CD38: variants seen among roughly 807,000 people sequenced by gnomAD.
The protein encoded by CD38 is CD38 molecule, also known as ADP-ribosyl cyclase/cyclic ADP-ribose hydrolase 1.
In CD38, 31 loss-of-function variants were observed where a neutral mutation model predicts 36.3. The observed-to-expected ratio is 0.85, with a 90% confidence interval of 0.64 to 1.15. CD38 has a LOEUF of 1.15. Ranked by LOEUF, CD38 falls within the 50% of genes most tolerant of loss-of-function variation. CD38 has a pLI of 0.00. For synonymous variants in CD38, 131 were observed against 135.2 expected, an observed-to-expected ratio of 0.97 and a Z score of 0.22; for missense variants, 380 against 371.9, an observed-to-expected ratio of 1.02 and a Z score of -0.18.
Position 15,851,990 on chromosome 4 carries a change from G to A in CD38, c.*3388G>A, listed in dbSNP as rs1724396294. ...AACATAGAAAAGGTACAGTAAACATGCAGTATTATAATCTTATGAGACCGT... is the reference window on the plus strand; with the variant it reads ...AACATAGAAAAGGTACAGTAAACATACAGTATTATAATCTTATGAGACCGT... On this transcript the variant is annotated 3_prime_UTR_variant, in exon 8 of 8. Transcript: ENST00000226279. 1 of 152,220 alleles carries A rather than the reference G, an allele frequency of 6.6e-6. No homozygotes were observed. Among genetic ancestry groups the A allele is most frequent in the African/African-American group, 2.4e-5 (1 of 41,446 alleles). 9.4% of individuals were successfully genotyped at this position (152,220 alleles called of 1,614,324 possible).
At chr4:15,847,465 C>T (rs1382523913) in intron 7 of CD38, among the ~76,000 whole-genome samples, 2 of 86,340 alleles carry the variant, frequency 2.3e-5, no homozygotes, top group Non-Finnish European at 4.3e-5. Context: ...TGCTAGATGA[C>T]ACATTAGTGG....
chr4:15,815,720 T>C (rs1312336473), intron 1 of CD38, among the ~76,000 whole-genome samples: 1 of 152,206 alleles, frequency 6.6e-6, no homozygotes, highest in Non-Finnish European at 1.5e-5. Context: ...CAGAGACAAT[T>C]TGACTTTCTC....
intron 1 of CD38, among the ~76,000 whole-genome samples, chr4:15,785,980 C>T (rs1722812823): frequency 6.6e-6 from 1 of 152,160 alleles, no homozygotes; most frequent in Non-Finnish European, 1.5e-5. Context: ...TGTTACAGCT[C>T]TTAAGGCAGC....
intron 3 of CD38, among the ~76,000 whole-genome samples, chr4:15,833,353 G>A (rs1272341147): frequency 2.0e-5 from 3 of 152,198 alleles, no homozygotes; most frequent in Admixed American, 6.5e-5. Flanking sequence ...TCCAGATGTC[G>A]TTGTGAAGAT....
At chr4:15,814,859 T>C (rs1290726596) in intron 1 of CD38, among the ~76,000 whole-genome samples, 1 of 151,620 alleles carries the variant, frequency 6.6e-6, no homozygotes, top group African/African-American at 2.4e-5. Context: ...CAGGCTGGAG[T>C]GCAGTGGCAC....
In CD38 at chr4:15,852,461, G is replaced by A. The variant is rs1323998514; in HGVS notation, c.*3859G>A. The A allele has an allele frequency of 6.6e-6, 1 of 151,932 alleles. No individual in the cohort carries two copies. 9.4% of individuals were successfully genotyped at this position (151,932 alleles called of 1,614,324 possible). A position where few individuals can be genotyped will look rare whatever the true frequency, so the allele number is the denominator to read the frequency against. Reference sequence around the variant, plus strand: ...TACTGCACAGAAAACTGCTTTTGTGGGTTTTTAAAAGGCAAGTTGTTATAT... The same window carrying A: ...TACTGCACAGAAAACTGCTTTTGTGAGTTTTTAAAAGGCAAGTTGTTATAT... On this transcript the variant is annotated 3_prime_UTR_variant, in exon 8 of 8. Transcript: ENST00000226279.
At chr4:15,799,084 ATTTCT>A (rs1359737177) in intron 1 of CD38, among the ~76,000 whole-genome samples, 5 of 152,164 alleles carry the variant, frequency 3.3e-5, no homozygotes, top group Admixed American at 6.5e-5. Flanking sequence ...TTAAGAACTG[ATTTCT>A]TTAATGTGAG....
At chr4:15,842,347 G>GTCC (rs1724231959) in intron 7 of CD38, among the ~76,000 whole-genome samples, 1 of 132,236 alleles carries the variant, frequency 7.6e-6, no homozygotes, top group Non-Finnish European at 1.6e-5. Flanking sequence ...GCAGCTGAGG[G>GTCC]TCCTGTCTGT....
rs1336261321 is a variant in CD38 at position 15,840,021 on chromosome 4, T to G, written c.660-5T>G. 1 of 1,607,668 alleles carries G rather than the reference T, an allele frequency of 6.2e-7. No individual in the cohort carries two copies. Among genetic ancestry groups the G allele is most frequent in the Non-Finnish European group, 8.5e-7 (1 of 1,174,276 alleles). On this transcript the variant is annotated splice_polypyrimidine_tract_variant and splice_region_variant and intron_variant, in intron 5 of 7. Coordinates refer to ENST00000226279, the MANE Select transcript of CD38 (RefSeq NM_001775.4). ...GTTTGGGGTTCTTTGTTTCTTCTATTTTAGCACTTTTGGGAGTGTGGAAGT... is the reference window on the plus strand; with the variant it reads ...GTTTGGGGTTCTTTGTTTCTTCTATGTTAGCACTTTTGGGAGTGTGGAAGT...
chr4:15,839,956 G>GT (rs925600405), intron 5 of CD38, 70 bp from the exon 6 acceptor site: 2 of 1,009,480 alleles, frequency 2.0e-6, no homozygotes, highest in African/African-American at 3.2e-5. Context: ...CTGCCTGCTG[G>GT]TTGTTGAGGG....
intron 1 of CD38, among the ~76,000 whole-genome samples, chr4:15,812,466 G>A (rs112175284): frequency 2.0e-5 from 3 of 152,048 alleles, no homozygotes; most frequent in African/African-American, 4.8e-5. Context: ...GGGAGGCCGA[G>A]GCGGGTGGAT....
rs1722624259 is a variant in CD38 at position 15,778,868 on chromosome 4, G to A, written c.233+221G>A. Among the ~76,000 whole-genome samples, 1 of 151,960 alleles carries A rather than the reference G, an allele frequency of 6.6e-6. No individual in the cohort carries two copies. The highest frequency in any genetic ancestry group is 2.1e-4 in the South Asian group (1 of 4,822). On this transcript the variant is annotated intron_variant, in intron 1 of 7. Transcript: ENST00000226279. The surrounding 1 kb of genome is among the most constrained non-coding windows in gnomAD (Gnocchi z 4.9). ...CGAGCGTGCCCGCGGGAGGCGGGGG[G>A]GGGCGCTGCTCGGTGGCTCTGCTGC...
intron 5 of CD38, among the ~76,000 whole-genome samples, chr4:15,839,300 C>A (rs983598060): frequency 7.3e-5 from 11 of 151,686 alleles, no homozygotes; most frequent in African/African-American, 2.7e-4. Flanking sequence ...TTAGGGCAGG[C>A]AACCATAGTC....
Position 15,789,665 on chromosome 4 carries a change from A to G in CD38, c.233+11018A>G, listed in dbSNP as rs544954015. 3.3e-5 allele frequency among the ~76,000 whole-genome samples: 5 copies of G among 152,272 alleles called. No homozygotes were observed. The East Asian group carries it at 7.7e-4, about 24-fold the overall frequency. On this transcript the variant is annotated intron_variant, in intron 1 of 7. Coordinates refer to ENST00000226279, the MANE Select transcript of CD38 (RefSeq NM_001775.4). The stretch of plus-strand genomic sequence containing the variant: ...TCTGCCCTCATGAATGGATTAATCC[A>G]TTCATGGATTACTGATTAATACGCT...
At chr4:15,818,429 C>T (rs1723653969) in intron 2 of CD38, among the ~76,000 whole-genome samples, 1 of 152,188 alleles carries the variant, frequency 6.6e-6, no homozygotes, top group Non-Finnish European at 1.5e-5. Flanking sequence ...TTTAATCATT[C>T]CTGCCTGCTG....
At chr4:15,832,518 C>A (rs1484706993) in intron 3 of CD38, among the ~76,000 whole-genome samples, 3 of 152,138 alleles carry the variant, frequency 2.0e-5, no homozygotes, top group Non-Finnish European at 4.4e-5. Flanking sequence ...GGAGGTACCA[C>A]CTTGATGGTC....
In CD38 at chr4:15,816,525, A is replaced by G. The variant is rs755775782; in HGVS notation, c.248A>G (p.Gln83Arg). The part of the protein sequence containing the change: ...IHPEMRHVDC[Q>R]SVWDAFKGAF... The stretch of plus-strand genomic sequence containing the variant: ...TTTTATCTCAGACATGTAGACTGCC[A>G]AAGTGTATGGGATGCTTTCAAGGGT... The change falls in exon 2 of 8, where the codon CAA (glutamine) becomes CGA (arginine). Residue 83 changes from glutamine (Q) to arginine (R), a missense_variant. By Grantham distance (43) the Gln-to-Arg change is conservative (BLOSUM62 1). Coordinates refer to ENST00000226279, the MANE Select transcript of CD38 (RefSeq NM_001775.4). The G allele has an allele frequency of 6.2e-7, 1 of 1,612,608 alleles. No homozygotes were observed. The highest frequency in any genetic ancestry group is 2.2e-5 in the East Asian group (1 of 44,878).
chr4:15,824,841 A>G (rs777640027), intron 2 of CD38, 40 bp from the exon 3 acceptor site: 1 of 1,529,580 alleles, frequency 6.5e-7, no homozygotes, highest in Non-Finnish European at 8.9e-7. Flanking sequence ...TTGACATGCT[A>G]AATTGATCTC....
At position 15,778,742 on chromosome 4, in the gene CD38, T is replaced by C. The variant is rs1722617600; in HGVS notation, c.233+95T>C. On this transcript the variant is annotated intron_variant, in intron 1 of 7. Coordinates refer to ENST00000226279, the MANE Select transcript of CD38 (RefSeq NM_001775.4). The surrounding 1 kb of genome is among the most constrained non-coding windows in gnomAD (Gnocchi z 4.9). ...CCCGGATCGCCCGGAACCGGGCATC[T>C]TCCGTGGCGGGTCAGCCGAGAGCCC... 2 of 885,792 alleles carry C rather than the reference T, an allele frequency of 2.3e-6. No individual in the cohort carries two copies. Among genetic ancestry groups the C allele is most frequent in the South Asian group, 1.6e-5 (1 of 64,382 alleles). The allele number at this position is 885,792 out of a possible 1,614,324, so 54.9% of individuals were successfully genotyped here. A position where few individuals can be genotyped will look rare whatever the true frequency, so the allele number is the denominator to read the frequency against.
Sources: gnomAD v4.1 joint callset for allele counts (sites outside exome capture counted in the v4.1 genomes callset) on GRCh38, gnomAD v4.1.1 for gene constraint, Gnocchi (gnomAD v3.1) non-coding constraint, MANE v1.5 for transcripts, NCBI Gene and HGNC (gene_info 2026-07-23, HGNC 2026-07-21) for gene names.